UBALD1: variants seen among roughly 807,000 people sequenced by gnomAD.
UBALD1 encodes UBA like domain containing 1.
A neutral mutation model predicts 16.1 loss-of-function variants in UBALD1; 5 were observed. That is an observed-to-expected ratio of 0.31 (90% confidence interval 0.16 to 0.66). The LOEUF (loss-of-function observed/expected upper bound fraction) is 0.66. UBALD1 is among the 30% of genes least tolerant of loss of function. The pLI, the probability that UBALD1 is intolerant of heterozygous loss-of-function variation, is 0.77. For missense variants in UBALD1, 220 were observed against 252.8 expected (o/e 0.87, Z 0.88); for synonymous variants, 146 against 105.3 (o/e 1.39, Z -2.37).
chr16:4,610,213 A>T (rs1456670206), intron 2 of UBALD1: 12 of 711,400 alleles, frequency 1.7e-5, no homozygotes, highest in Admixed American at 1.6e-4. Flanking sequence ...AGGCTTTCCC[A>T]GCCCACCCCT....
intron 1 of UBALD1, among the ~76,000 whole-genome samples, chr16:4,613,370 C>A (rs1897381399): frequency 1.3e-5 from 2 of 152,170 alleles, no homozygotes; most frequent in Non-Finnish European, 2.9e-5. Context: ...GGGGTGAACA[C>A]CACACAGGAT....
At chr16:4,612,204 C>T (rs1319785619) in intron 1 of UBALD1, among the ~76,000 whole-genome samples, 3 of 151,742 alleles carry the variant, frequency 2.0e-5, no homozygotes, top group Non-Finnish European at 2.9e-5. Flanking sequence ...GCTGGGACTA[C>T]AGGCACGTGC....
chr16:4,614,446 C>A, intron 1 of UBALD1: 1 of 550,696 alleles, frequency 1.8e-6, no homozygotes, highest in South Asian at 4.2e-5. Flanking sequence ...GGGGGACTCG[C>A]GGCCCCGCGG....
chr16:4,613,118 G>A (rs148026726), intron 1 of UBALD1, among the ~76,000 whole-genome samples: 41 of 152,232 alleles, frequency 2.7e-4, no homozygotes, highest in African/African-American at 7.9e-4. Context: ...GGAACCCTGC[G>A]TGCAGATGTG....
At position 4,614,090 on chromosome 16, in the gene UBALD1, G is replaced by A. The variant is rs1234169727; in HGVS notation, c.120+588C>T. ...CGGCATCTGCACACCCGCCACATGT[G>A]TACGCGTTGATCACACACCAAACGC... On this transcript the variant is annotated intron_variant, in intron 1 of 2. Coordinates refer to ENST00000283474, the MANE Select transcript of UBALD1 (RefSeq NM_145253.3). 7 of 166,244 alleles carry A rather than the reference G, an allele frequency of 4.2e-5. No homozygotes were observed. In the East Asian group the frequency reaches 1.2e-3, roughly 27 times the overall value. The allele number at this position is 166,244 out of a possible 1,614,324, so 10.3% of individuals were successfully genotyped here.
At chr16:4,613,548 C>G (rs888865636) in intron 1 of UBALD1, among the ~76,000 whole-genome samples, 9 of 152,156 alleles carry the variant, frequency 5.9e-5, no homozygotes, top group African/African-American at 2.2e-4. Context: ...CTTCTAGTCC[C>G]TCCTGCAGGC....
chr16:4,610,289 C>A (rs1228221145), intron 2 of UBALD1: 1 of 711,600 alleles, frequency 1.4e-6, no homozygotes. Context: ...GAGGCCAGCG[C>A]CCCCCAGGTC....
chr16:4,614,524 C>T, intron 1 of UBALD1, 154 bp downstream of exon 1: 1 of 1,258,784 alleles, frequency 7.9e-7, no homozygotes, highest in East Asian at 3.2e-5. Context: ...GGGATCCGGA[C>T]GCCGGGCACC....
Position 4,609,853 on chromosome 16 carries a change from G to C in UBALD1, c.314C>G (p.Thr105Arg), listed in dbSNP as rs1183222872. 2.0e-6 allele frequency: 3 copies of C among 1,515,724 alleles called. No homozygotes were observed. Among genetic ancestry groups the C allele is most frequent in the African/African-American group, 2.8e-5 (2 of 72,564 alleles). The allele number at this position is 1,515,724 out of a possible 1,614,324, so 93.9% of individuals were successfully genotyped here. The change falls in exon 3 of 3, where the codon ACG (threonine) becomes AGG (arginine). Residue 105 changes from threonine (T) to arginine (R), a missense_variant. Physicochemically the swap from Thr to Arg is moderately conservative, Grantham distance 71. Transcript: ENST00000283474. Reference sequence around the variant, plus strand: ...ATGGGGGAAGTGTGGCGGGGGTGACGTGGCTGTCGCGGCCATCGGGCTGCC... The same window carrying C: ...ATGGGGGAAGTGTGGCGGGGGTGACCTGGCTGTCGCGGCCATCGGGCTGCC... ...GSGSPMAATA[T>R]SPPPHFPHAA...
At position 4,609,621 on chromosome 16, in the gene UBALD1, GA is replaced by G. The variant is rs1235676972; in HGVS notation, c.*11del. On this transcript the variant is annotated 3_prime_UTR_variant, in exon 3 of 3. Transcript: ENST00000283474. Reference sequence around the variant, plus strand: ...CGGGGTCCTGGCCTCCGGGAGGGGGGAGGGGCCTCCCTTATCTCTCTGCCTC... The same window carrying G: ...CGGGGTCCTGGCCTCCGGGAGGGGGGGGGGCCTCCCTTATCTCTCTGCCTC... 3 of 1,253,700 alleles carry G rather than the reference GA, an allele frequency of 2.4e-6. No homozygotes were observed. The highest frequency in any genetic ancestry group is 3.1e-6 in the Non-Finnish European group (3 of 954,468). The allele number at this position is 1,253,700 out of a possible 1,614,324, so 77.7% of individuals were successfully genotyped here. A position where few individuals can be genotyped will look rare whatever the true frequency, so the allele number is the denominator to read the frequency against.
chr16:4,610,103 A>T, intron 2 of UBALD1, 120 bp from the exon 3 acceptor site: 1 of 863,990 alleles, frequency 1.2e-6, no homozygotes, highest in South Asian at 1.4e-5. Flanking sequence ...CCTTCCCCAG[A>T]TCCCCAAGCC....
chr16:4,609,404 C>G lies in UBALD1; in HGVS notation c.*229G>C, dbSNP rs955809395. 5.1e-6 allele frequency: 2 copies of G among 389,942 alleles called. No homozygotes were observed. The highest frequency in any genetic ancestry group is 9.0e-6 in the Non-Finnish European group (2 of 221,192). The allele number at this position is 389,942 out of a possible 1,614,324, so 24.2% of individuals were successfully genotyped here. A position where few individuals can be genotyped will look rare whatever the true frequency, so the allele number is the denominator to read the frequency against. On this transcript the variant is annotated 3_prime_UTR_variant, in exon 3 of 3. Coordinates refer to ENST00000283474, the MANE Select transcript of UBALD1 (RefSeq NM_145253.3). ...AGTTCTGTCCGCCAGGCACCCAGGC[C>G]GCGCTGAACCACTCCATGTGCCGGG...
Position 4,609,804 on chromosome 16 carries a change from G to A in UBALD1, c.363C>T (p.Ala121=), listed in dbSNP as rs760487933. The change falls in exon 3 of 3, where the codon GCC becomes GCT. Residue 121 remains alanine (A), a synonymous_variant. Transcript: ENST00000283474. The stretch of plus-strand genomic sequence containing the variant: ...GCGAGGCCGCCGTGGGCCAGCTGGA[G>A]GCCGCAGAGCTGCTGGTGGCGGCAT... The part of the protein sequence containing the change: ...FPHAATSSSA[A]SSWPTAASPP... 51 of 1,510,628 alleles carry A rather than the reference G, an allele frequency of 3.4e-5. No homozygotes were observed. In the African/African-American group the frequency reaches 5.3e-4, roughly 16 times the overall value. 93.6% of individuals were successfully genotyped at this position (1,510,628 alleles called of 1,614,324 possible). A position where few individuals can be genotyped will look rare whatever the true frequency, so the allele number is the denominator to read the frequency against.
chr16:4,614,411 T>TG (rs138923012), intron 1 of UBALD1: 273,003 of 377,836 alleles, frequency 0.72, 100,230 homozygotes, highest in East Asian at 0.88. Flanking sequence ...ACAAAAGGGG[T>TG]GGGGGGGGTC....
Position 4,613,674 on chromosome 16 carries a change from C to T in UBALD1, c.120+1004G>A, listed in dbSNP as rs183934425. Reference sequence around the variant, plus strand: ...TGTGAGGGGCACAGCTCAAAGGGCTCTGGCCTCATCCCCTGATACCAACCA... The same window carrying T: ...TGTGAGGGGCACAGCTCAAAGGGCTTTGGCCTCATCCCCTGATACCAACCA... On this transcript the variant is annotated intron_variant, in intron 1 of 2. Transcript: ENST00000283474. Among the ~76,000 whole-genome samples, 803 of 152,282 alleles carry T rather than the reference C, an allele frequency of 5.3e-3. 8 individuals are homozygous for T. The highest frequency in any genetic ancestry group is 9.4e-3 in the Non-Finnish European group (636 of 68,010).
Position 4,609,600 on chromosome 16 carries a change from G to T in UBALD1, c.*33C>A. 2.0e-6 allele frequency: 2 copies of T among 1,023,560 alleles called. No individual in the cohort carries two copies. The highest frequency in any genetic ancestry group is 3.3e-4 in the Middle Eastern group (1 of 2,998). 63.4% of individuals were successfully genotyped at this position (1,023,560 alleles called of 1,614,324 possible). On this transcript the variant is annotated 3_prime_UTR_variant, in exon 3 of 3. Coordinates refer to ENST00000283474, the MANE Select transcript of UBALD1 (RefSeq NM_145253.3). The stretch of plus-strand genomic sequence containing the variant: ...GACGTCCTCTCCCCCGCCCCACGGG[G>T]TCCTGGCCTCCGGGAGGGGGGAGGG...
At chr16:4,610,835 C>T (rs1437432744) in intron 1 of UBALD1, 1 of 460,068 alleles carries the variant, frequency 2.2e-6, no homozygotes. Context: ...GAGCCCTCCC[C>T]CTGCACCAGC....
chr16:4,610,136 AGAG>A (rs1897340387), intron 2 of UBALD1, 153 bp from the exon 3 acceptor site: 10 of 762,846 alleles, frequency 1.3e-5, no homozygotes, highest in Non-Finnish European at 2.3e-5. Context: ...AGGGGTTCCC[AGAG>A]GAGAAGCCTT....
In UBALD1 at chr16:4,609,680, C is replaced by A; in HGVS notation, c.487G>T (p.Ala163Ser). ...SDWPPLAPQQ[A>S]TSEPRAHPAM... ...GGGTGGGCCCTGGGTTCTGAGGTGGCCTGTTGGGGGGCCAGGGGTGGCCAG... is the reference window on the plus strand; with the variant it reads ...GGGTGGGCCCTGGGTTCTGAGGTGGACTGTTGGGGGGCCAGGGGTGGCCAG... Residue 163 changes from alanine (A) to serine (S), a missense_variant, in exon 3 of 3, where the codon GCC becomes TCC. Transcript: ENST00000283474. 1 of 1,469,292 alleles carries A rather than the reference C, an allele frequency of 6.8e-7. No homozygotes were observed. The highest frequency in any genetic ancestry group is 9.0e-7 in the Non-Finnish European group (1 of 1,112,078). The allele number at this position is 1,469,292 out of a possible 1,614,324, so 91.0% of individuals were successfully genotyped here.
Sources: allele counts gnomAD v4.1 joint callset (sites outside exome capture counted in the v4.1 genomes callset), GRCh38; gene constraint gnomAD v4.1.1; transcripts MANE v1.5; gene names NCBI Gene and HGNC (gene_info 2026-07-23, HGNC 2026-07-21).